PRKN: variants seen among roughly 807,000 people sequenced by gnomAD.
PRKN encodes the protein parkin RBR E3 ubiquitin protein ligase, also known as E3 ubiquitin-protein ligase parkin.
PRKN carries 56 observed loss-of-function variants against 59.5 expected under a neutral mutation model. The ratio of observed to expected loss-of-function variants is 0.94; its 90% CI spans 0.76 to 1.18. The LOEUF (loss-of-function observed/expected upper bound fraction) is 1.18. PRKN is among the 50% of genes most tolerant of loss of function. The pLI, the probability that PRKN is intolerant of heterozygous loss-of-function variation, is 0.00. For missense variants in PRKN, 657 were observed against 596.4 expected (o/e 1.10, Z -1.06); for synonymous variants, 250 against 222.1 (o/e 1.13, Z -1.12).
intron 5 of PRKN, among the ~76,000 whole-genome samples, chr6:162,005,483 A>C (rs1381179618): frequency 6.6e-6 from 1 of 151,954 alleles, no homozygotes; most frequent in African/African-American, 2.4e-5. Context: ...CTCAACTCTC[A>C]ATCCACCTCT....
chr6:162,599,628 C>T (rs750571245), intron 1 of PRKN, among the ~76,000 whole-genome samples: 2 of 152,106 alleles, frequency 1.3e-5, no homozygotes, highest in Non-Finnish European at 2.9e-5. Flanking sequence ...TGACAGAGCC[C>T]AGGTGAAGAT....
At chr6:161,972,303 T>C (rs1780848030) in intron 6 of PRKN, among the ~76,000 whole-genome samples, 1 of 151,400 alleles carries the variant, frequency 6.6e-6, no homozygotes, top group Non-Finnish European at 1.5e-5. Context: ...GAGTTCTTCC[T>C]GATATGAGGG....
intron 7 of PRKN, among the ~76,000 whole-genome samples, chr6:161,644,769 AAGAC>A (rs1783863251): frequency 6.6e-6 from 1 of 152,242 alleles, no homozygotes; most frequent in Admixed American, 6.5e-5. Context: ...GAGTGAAGGG[AAGAC>A]AGACAGCTTC....
intron 4 of PRKN, among the ~76,000 whole-genome samples, chr6:162,199,973 C>T (rs978596043): frequency 3.9e-5 from 6 of 152,130 alleles, no homozygotes; most frequent in African/African-American, 1.4e-4. Flanking sequence ...TTCACCTGTC[C>T]CCATCTTCAA....
chr6:162,545,385 T>C (rs1033587701), intron 1 of PRKN, among the ~76,000 whole-genome samples: 19 of 152,148 alleles, frequency 1.2e-4, no homozygotes, highest in African/African-American at 4.1e-4. Context: ...CCAGTCTTGA[T>C]TTCTGTGAAC....
intron 2 of PRKN, among the ~76,000 whole-genome samples, chr6:162,286,073 G>A (rs1488053697): frequency 6.6e-6 from 1 of 152,116 alleles, no homozygotes; most frequent in African/African-American, 2.4e-5. Context: ...GTTTTGGATT[G>A]TCAATAAACT....
At chr6:162,032,775 C>T (rs1342346295) in intron 5 of PRKN, among the ~76,000 whole-genome samples, 1 of 152,172 alleles carries the variant, frequency 6.6e-6, no homozygotes, top group Non-Finnish European at 1.5e-5. Flanking sequence ...GACAATGACT[C>T]ATCTCTGATG....
rs796777996 is a variant in PRKN at position 161,996,177 on chromosome 6, C to T, written c.619-22760G>A. ...ATGGATAAAGAAAACGTGGTGTGTA[C>T]ACACACACACACACACATACACACG... On this transcript the variant is annotated intron_variant, in intron 5 of 11. Transcript: ENST00000366898. Among the ~76,000 whole-genome samples the T allele has an allele frequency of 6.0e-5, 9 of 149,756 alleles. 2 individuals are homozygous for T. The highest frequency in any genetic ancestry group is 2.2e-4 in the African/African-American group (9 of 41,104).
chr6:162,676,857 T>C (rs1449616025), intron 1 of PRKN, among the ~76,000 whole-genome samples: 1 of 151,886 alleles, frequency 6.6e-6, no homozygotes, highest in South Asian at 2.1e-4. Flanking sequence ...GGCCAGGAGT[T>C]TGTGAGCAGC....
intron 4 of PRKN, among the ~76,000 whole-genome samples, chr6:162,100,244 T>C (rs970202858): frequency 1.9e-4 from 29 of 152,030 alleles, no homozygotes; most frequent in African/African-American, 7.0e-4. Context: ...GACATGGGAG[T>C]GCAGACATCC....
chr6:161,675,085 C>T (rs1443862765), intron 7 of PRKN, among the ~76,000 whole-genome samples: 1 of 152,174 alleles, frequency 6.6e-6, no homozygotes, highest in South Asian at 2.1e-4. Flanking sequence ...CATTCTTTTC[C>T]CCTGGAGTCA....
rs1779115506 is a variant in PRKN at position 161,529,249 on chromosome 6, G to A, written c.1083+19605C>T. Among the ~76,000 whole-genome samples the A allele has an allele frequency of 6.6e-6, 1 of 152,146 alleles. No homozygotes were observed. Among genetic ancestry groups the A allele is most frequent in the Non-Finnish European group, 1.5e-5 (1 of 68,026 alleles). On this transcript the variant is annotated intron_variant, in intron 9 of 11. Transcript: ENST00000366898. The surrounding 1 kb of genome is among the most constrained non-coding windows in gnomAD (Gnocchi z 4.4). ...GATTGCTGGAAGTGGATGCCTTAGGGAAGGTGAGAAGACAATGATGGGGAT... is the reference window on the plus strand; with the variant it reads ...GATTGCTGGAAGTGGATGCCTTAGGAAAGGTGAGAAGACAATGATGGGGAT...
chr6:161,909,522 G>A (rs1375143031), intron 6 of PRKN, among the ~76,000 whole-genome samples: 1 of 152,132 alleles, frequency 6.6e-6, no homozygotes, highest in Admixed American at 6.6e-5. Flanking sequence ...ATTAATGGTG[G>A]GAAGAAAATG....
chr6:162,224,462 T>C (rs1388157881), intron 3 of PRKN, among the ~76,000 whole-genome samples: 1 of 152,148 alleles, frequency 6.6e-6, no homozygotes, highest in Non-Finnish European at 1.5e-5. Context: ...GTTCACACAA[T>C]GCCAAGATCA....
chr6:162,666,164 T>C (rs943885833), intron 1 of PRKN, among the ~76,000 whole-genome samples: 1 of 152,084 alleles, frequency 6.6e-6, no homozygotes, highest in South Asian at 2.1e-4. Context: ...CTCAATCCAG[T>C]TTTAAGATGT....
chr6:162,532,301 A>G (rs1224746635), intron 1 of PRKN, among the ~76,000 whole-genome samples: 1 of 152,226 alleles, frequency 6.6e-6, no homozygotes, highest in East Asian at 1.9e-4. Flanking sequence ...ATATGCACGC[A>G]CACAAGCATA....
At chr6:162,418,269 T>C (rs1788749420) in intron 2 of PRKN, among the ~76,000 whole-genome samples, 1 of 152,200 alleles carries the variant, frequency 6.6e-6, no homozygotes, top group Non-Finnish European at 1.5e-5. Flanking sequence ...ATATATATTG[T>C]GTAATTCCAT....
intron 9 of PRKN, among the ~76,000 whole-genome samples, chr6:161,510,666 A>G (rs1407127682): frequency 6.6e-6 from 1 of 152,248 alleles, no homozygotes; most frequent in Non-Finnish European, 1.5e-5. Context: ...CAGTCTGGGT[A>G]TTAAGAGACC....
intron 1 of PRKN, among the ~76,000 whole-genome samples, chr6:162,522,506 A>G (rs1236223679): frequency 6.6e-6 from 1 of 152,250 alleles, no homozygotes; most frequent in Non-Finnish European, 1.5e-5. Flanking sequence ...AAGCAGATTA[A>G]AGAATATTTG....
Sources: gnomAD v4.1 joint callset for allele counts (sites outside exome capture counted in the v4.1 genomes callset) on GRCh38, gnomAD v4.1.1 for gene constraint, Gnocchi (gnomAD v3.1) non-coding constraint, MANE v1.5 for transcripts, NCBI Gene and HGNC (gene_info 2026-07-23, HGNC 2026-07-21) for gene names.